Variants in APIP observed in about 807,000 individuals in gnomAD.
APIP encodes the protein APAF1 interacting protein, also known as methylthioribulose-1-phosphate dehydratase.
Under a neutral mutation model 32.0 loss-of-function variants are expected in APIP, and 32 were observed. That is an observed-to-expected ratio of 1.00 (90% confidence interval 0.76 to 1.34). The LOEUF (loss-of-function observed/expected upper bound fraction) is 1.34, where lower values mean the gene tolerates loss of function less well. Among genes scored for constraint, APIP ranks in the 40% most tolerant of loss-of-function variants. The pLI, the probability that APIP is intolerant of heterozygous loss-of-function variation, is 0.00. For missense variants in APIP, 247 were observed against 298.6 expected (o/e 0.83, Z 1.27); for synonymous variants, 92 against 94.8 (o/e 0.97, Z 0.17).
intron 1 of APIP, among the ~76,000 whole-genome samples, chr11:34,902,149 C>G (rs1055167943): frequency 2.0e-5 from 3 of 152,210 alleles, no homozygotes; most frequent in African/African-American, 7.2e-5. Context: ...TTAAAGGATG[C>G]CTTTTTCTGC....
chr11:34,889,472 T>A (rs1353457103), intron 3 of APIP, among the ~76,000 whole-genome samples: 1 of 151,722 alleles, frequency 6.6e-6, no homozygotes, highest in African/African-American at 2.4e-5. Flanking sequence ...GATCTACAGG[T>A]TTTTCTTTTT....
chr11:34,889,137 G>T (rs1054737393), intron 3 of APIP, among the ~76,000 whole-genome samples: 2 of 151,790 alleles, frequency 1.3e-5, no homozygotes, highest in Non-Finnish European at 2.9e-5. Context: ...AATATTCTCA[G>T]AAGTTTAATA....
At chr11:34,896,843 G>C in intron 1 of APIP, 2 of 1,278,030 alleles carry the variant, frequency 1.6e-6, no homozygotes, top group Non-Finnish European at 2.0e-6. Context: ...AATTTTGATA[G>C]CCATGTAAGC....
intron 1 of APIP, 125 bp from the exon 2 acceptor site, chr11:34,895,235 T>C: frequency 3.7e-6 from 3 of 804,916 alleles, no homozygotes; most frequent in Middle Eastern, 3.3e-4. Flanking sequence ...AAGAGTACAG[T>C]GAAGGAAAAA....
intron 5 of APIP, among the ~76,000 whole-genome samples, chr11:34,884,933 C>T (rs982570150): frequency 1.3e-5 from 2 of 151,840 alleles, no homozygotes; most frequent in South Asian, 2.1e-4. Context: ...AAACATGACA[C>T]TGATCCAGAC....
intron 1 of APIP, among the ~76,000 whole-genome samples, chr11:34,897,924 G>A (rs1486347493): frequency 1.3e-5 from 2 of 152,044 alleles, no homozygotes; most frequent in Non-Finnish European, 2.9e-5. Context: ...AGAACCGACT[G>A]TTTTCCCGCT....
In APIP at chr11:34,907,246, T is replaced by C. The variant is rs537016603; in HGVS notation, c.57+8982A>G. 1.9e-3 allele frequency among the ~76,000 whole-genome samples: 294 copies of C among 152,330 alleles called. 1 individual carries two copies. Among genetic ancestry groups the C allele is most frequent in the Non-Finnish European group, 3.3e-3 (224 of 68,030 alleles). On this transcript the variant is annotated intron_variant, in intron 1 of 6. Transcript: ENST00000395787. ...CCTGTATAATTTGCTACTTCCTTAT[T>C]TAGGGATATAAGTGATATTTTAACT...
At chr11:34,885,878 A>T (rs947419204) in intron 5 of APIP, among the ~76,000 whole-genome samples, 1 of 152,160 alleles carries the variant, frequency 6.6e-6, no homozygotes, top group Admixed American at 6.5e-5. Flanking sequence ...CATAGCTGTC[A>T]TAGGGTCACA....
intron 1 of APIP, among the ~76,000 whole-genome samples, chr11:34,911,506 G>A (rs1207936493): frequency 2.6e-5 from 4 of 151,966 alleles, no homozygotes; most frequent in South Asian, 2.1e-4. Context: ...CAGAGGTTAT[G>A]GTATTTTGTG....
intron 1 of APIP, among the ~76,000 whole-genome samples, chr11:34,914,872 C>T (rs1853633880): frequency 6.6e-6 from 1 of 151,912 alleles, no homozygotes; most frequent in South Asian, 2.1e-4. Flanking sequence ...GGTGTGGTGA[C>T]ATGCGCCTGT....
chr11:34,891,888 A>C (rs1216682242), intron 2 of APIP, among the ~76,000 whole-genome samples: 1 of 152,154 alleles, frequency 6.6e-6, no homozygotes, highest in African/African-American at 2.4e-5. Flanking sequence ...ACATGGAAGA[A>C]GCTCTAGGAT....
At chr11:34,915,001 C>CAAAAAAAAAAAAAA (rs33914497) in intron 1 of APIP, among the ~76,000 whole-genome samples, 2 of 76,384 alleles carry the variant, frequency 2.6e-5, no homozygotes, top group African/African-American at 4.2e-5. Flanking sequence ...CAAAACGTGT[C>CAAAAAAAAAAAAAA]AAAAAAAAAA....
chr11:34,906,175 T>G (rs57257751), intron 1 of APIP, among the ~76,000 whole-genome samples: 28,646 of 151,926 alleles, frequency 0.19, 3,837 homozygotes, highest in African/African-American at 0.39. Flanking sequence ...ACTTTTTTTT[T>G]TGTGGCTCCT....
intron 6 of APIP, among the ~76,000 whole-genome samples, 160 bp downstream of exon 6, chr11:34,883,177 C>T (rs1274409376): frequency 6.6e-6 from 1 of 152,168 alleles, no homozygotes; most frequent in Non-Finnish European, 1.5e-5. Flanking sequence ...CAAACAACAG[C>T]TCATCCAATC....
Position 34,890,532 on chromosome 11 carries a change from G to A in APIP, c.179C>T (p.Pro60Leu). 6.2e-7 allele frequency: 1 copy of A among 1,609,940 alleles called. No individual in the cohort carries two copies. Among genetic ancestry groups the A allele is most frequent in the Non-Finnish European group, 8.5e-7 (1 of 1,177,852 alleles). The change falls in exon 3 of 7, where the codon CCT (proline) becomes CTT (leucine). Residue 60 changes from proline (P) to leucine (L), a missense_variant. Pro to Leu is a moderately conservative substitution (Grantham distance 98). Coordinates refer to ENST00000395787, the MANE Select transcript of APIP (RefSeq NM_015957.4). ...LKHGDEIYIA[P>L]SGVQKERIQP... ...AATTCGTTCCTTTTGCACTCCTGAA[G>A]GAGCAATGTAGATTTCATCGCTGGC...
Position 34,882,803 on chromosome 11 carries a change from C to T in APIP, c.643G>A (p.Asp215Asn), listed in dbSNP as rs1852988368. 1 of 1,606,044 alleles carries T rather than the reference C, an allele frequency of 6.2e-7. No homozygotes were observed. The highest frequency in any genetic ancestry group is 1.7e-5 in the Admixed American group (1 of 59,512). ...EKAKTMCECY[D>N]YLFDIAVSMK... ...GATACGGCAATATCAAATAAATAGT[C>T]ATAACACTCACACCTGTAAAAGAAA... The change falls in exon 7 of 7, where the codon GAC becomes AAC. Residue 215 changes from aspartate (D) to asparagine (N), a missense_variant. Physicochemically the swap from Asp to Asn is conservative, Grantham distance 23. Transcript: ENST00000395787.
chr11:34,888,916 T>C, intron 3 of APIP, 47 bp from the exon 4 acceptor site: 4 of 1,135,968 alleles, frequency 3.5e-6, no homozygotes, highest in Non-Finnish European at 4.8e-6. Context: ...TTGTAAAATA[T>C]CAATTAGAAA....
intron 1 of APIP, among the ~76,000 whole-genome samples, chr11:34,907,366 G>T (rs2116084): frequency 1.1e-4 from 16 of 151,934 alleles, no homozygotes; most frequent in African/African-American, 3.1e-4. Flanking sequence ...TACAGAAAAT[G>T]GTCTTTTATT....
At chr11:34,904,336 C>T (rs1853410674) in intron 1 of APIP, among the ~76,000 whole-genome samples, 1 of 152,190 alleles carries the variant, frequency 6.6e-6, no homozygotes, top group Non-Finnish European at 1.5e-5. Flanking sequence ...ATATCATCTC[C>T]ATTGTGCTTG....
Sources: allele counts gnomAD v4.1 joint callset (sites outside exome capture counted in the v4.1 genomes callset), GRCh38; gene constraint gnomAD v4.1.1; transcripts MANE v1.5; gene names NCBI Gene and HGNC (gene_info 2026-07-23, HGNC 2026-07-21).